The following PCDHGA8 variants were observed in gnomAD, a reference collection of about 807,000 sequenced individuals.
The protein encoded by PCDHGA8 is protocadherin gamma-A8.
A neutral mutation model predicts 59.2 loss-of-function variants in PCDHGA8; 45 were observed. That is an observed-to-expected ratio of 0.76 (90% confidence interval 0.60 to 0.98). The LOEUF (loss-of-function observed/expected upper bound fraction) is 0.98, where lower values mean the gene tolerates loss of function less well. Among genes scored for constraint, PCDHGA8 ranks in the 50% least tolerant of loss-of-function variants. The probability of loss-of-function intolerance (pLI) is 0.00; values close to 1 mark genes in which losing one functional copy is unlikely to be tolerated. For synonymous variants in PCDHGA8, 531 were observed against 519.0 expected, an observed-to-expected ratio of 1.02 and a Z score of -0.32; for missense variants, 1,257 against 1,196.2, an observed-to-expected ratio of 1.05 and a Z score of -0.75.
chr5:141,454,796 ATTTTTTTTTTTTTTTTTT>A (rs61612330), intron 1 of PCDHGA8, among the ~76,000 whole-genome samples: 1 of 77,408 alleles, frequency 1.3e-5, no homozygotes, highest in Non-Finnish European at 2.3e-5. Flanking sequence ...CATGGTTCTA[ATTTTTTTTTTTTTTTTTT>A]TTTTTTTTTT....
intron 1 of PCDHGA8, chr5:141,403,705 C>T: frequency 6.2e-7 from 1 of 1,613,894 alleles, no homozygotes; most frequent in Non-Finnish European, 8.5e-7. Context: ...GAGTTAAAGT[C>T]CTTGAGAACG....
intron 1 of PCDHGA8, among the ~76,000 whole-genome samples, chr5:141,453,692 C>G (rs1182118927): frequency 6.6e-6 from 1 of 152,146 alleles, no homozygotes; most frequent in African/African-American, 2.4e-5. Flanking sequence ...GTAGGTAGTC[C>G]TGGCTTTGAA....
chr5:141,408,316 G>A (rs1407149479), intron 1 of PCDHGA8: 3 of 1,613,750 alleles, frequency 1.9e-6, no homozygotes, highest in African/African-American at 1.3e-5. Context: ...ACTCGATTCC[G>A]GAGGAGCTGG....
At chr5:141,478,042 G>A (rs1358652557) in intron 1 of PCDHGA8, 18 of 1,614,152 alleles carry the variant, frequency 1.1e-5, no homozygotes, top group Non-Finnish European at 1.5e-5. Flanking sequence ...CACCCAGGCA[G>A]ACTCTCACGG....
intron 1 of PCDHGA8, chr5:141,413,959 G>A: frequency 1.9e-6 from 3 of 1,613,372 alleles, no homozygotes; most frequent in Middle Eastern, 3.3e-4. Context: ...TTTGCCTGTG[G>A]GCACTCAGCT....
At chr5:141,499,606 C>T (rs2099792968) in intron 2 of PCDHGA8, among the ~76,000 whole-genome samples, 1 of 152,028 alleles carries the variant, frequency 6.6e-6, no homozygotes, top group African/African-American at 2.4e-5. Context: ...TATCCCTACC[C>T]TTATCCTGTC....
At position 141,477,160 on chromosome 5, in the gene PCDHGA8, C is replaced by G. The variant is rs768436526; in HGVS notation, c.2425-17647C>G. 2 of 1,614,186 alleles carry G rather than the reference C, an allele frequency of 1.2e-6. No homozygotes were observed. Among genetic ancestry groups the G allele is most frequent in the Admixed American group, 1.7e-5 (1 of 60,020 alleles). On this transcript the variant is annotated intron_variant, in intron 1 of 3. Transcript: ENST00000398604. The surrounding 1 kb of genome is among the most constrained non-coding windows in gnomAD (Gnocchi z 4.9). ...TGGAGGTTGTGGATGTGAATGACAA[C>G]GCCCCGGAGATCACAGTCACCTCCG...
rs373286702 is a variant in PCDHGA8, at chr5:141,421,190, A to T, written c.2424+25953A>T. ...TACATAAGCCGATTCACAACCAACC[A>T]GCTCGAGAAACCGCGGAATATCGGC... On this transcript the variant is annotated intron_variant, in intron 1 of 3. Transcript: ENST00000398604. The T allele has an allele frequency of 4.7e-6, 7 of 1,480,168 alleles. No homozygotes were observed. The South Asian group carries it at 9.4e-5, about 20-fold the overall frequency. 91.7% of individuals were successfully genotyped at this position (1,480,168 alleles called of 1,614,324 possible).
intron 1 of PCDHGA8, among the ~76,000 whole-genome samples, chr5:141,480,216 C>T (rs1055544952): frequency 1.9e-4 from 28 of 147,036 alleles, no homozygotes; most frequent in Non-Finnish European, 3.6e-4. Flanking sequence ...CCAGCCTGAG[C>T]GACATAGTGA....
At chr5:141,496,479 CAACCAACCA>C (rs1199646129) in intron 2 of PCDHGA8, among the ~76,000 whole-genome samples, 1 of 152,180 alleles carries the variant, frequency 6.6e-6, no homozygotes, top group Non-Finnish European at 1.5e-5. Context: ...CCCCATCCTG[CAACCAACCA>C]AACCCTTGTT....
chr5:141,466,809 CA>C (rs1454424644), intron 1 of PCDHGA8, among the ~76,000 whole-genome samples: 1 of 152,102 alleles, frequency 6.6e-6, no homozygotes, highest in Non-Finnish European at 1.5e-5. Flanking sequence ...CCTATTCAGA[CA>C]TGGTATAACA....
At position 141,482,865 on chromosome 5, in the gene PCDHGA8, A is replaced by G. The variant is rs557581796; in HGVS notation, c.2425-11942A>G. ...GGTGGGCAGATCACTTGAGGTCAGG[A>G]GTTTGAAACCAGCCTGGCCAACATG... On this transcript the variant is annotated intron_variant, in intron 1 of 3. Coordinates refer to ENST00000398604, the MANE Select transcript of PCDHGA8 (RefSeq NM_032088.2). Among the ~76,000 whole-genome samples, 66 of 152,206 alleles carry G rather than the reference A, an allele frequency of 4.3e-4. 1 individual carries two copies. Among genetic ancestry groups the G allele is most frequent in the African/African-American group, 1.5e-3 (61 of 41,516 alleles).
At position 141,393,489 on chromosome 5, in the gene PCDHGA8, G is replaced by C; in HGVS notation, c.676G>C (p.Val226Leu). 1 of 1,614,062 alleles carries C rather than the reference G, an allele frequency of 6.2e-7. No individual in the cohort carries two copies. Among genetic ancestry groups the C allele is most frequent in the Non-Finnish European group, 8.5e-7 (1 of 1,179,910 alleles). Residue 226 changes from valine (V) to leucine (L), a missense_variant, in exon 1 of 4, where the codon GTG becomes CTG. By Grantham distance (32) the Val-to-Leu change is conservative. Transcript: ENST00000398604. ...CGGCAAGCCGCCTCGCTCTAGCACA[G>C]TGCGCATCCACGTGACAGTGTTGGA... ...DGGKPPRSST[V>L]RIHVTVLDTN...
At position 141,408,231 on chromosome 5, in the gene PCDHGA8, G is replaced by C. The variant is rs775180708; in HGVS notation, c.2424+12994G>C. 1.0e-5 allele frequency: 16 copies of C among 1,567,976 alleles called. No individual in the cohort carries two copies. The highest frequency in any genetic ancestry group is 1.2e-5 in the Non-Finnish European group (14 of 1,156,162). ...GGAGGGAGCTGCGCGCAGAGGCGCC[G>C]GGCCGGCCCGCGGCAGGTGCTATTT... is the stretch of plus-strand genomic sequence containing the variant. On this transcript the variant is annotated intron_variant, in intron 1 of 3. Transcript: ENST00000398604.
Position 141,395,397 on chromosome 5 carries a change from A to G in PCDHGA8, c.2424+160A>G. ...GGTGTTACTATAAAATTGAACTCTAATAGTCATAGGTTATTGTTTCATTTG... is the reference window on the plus strand; with the variant it reads ...GGTGTTACTATAAAATTGAACTCTAGTAGTCATAGGTTATTGTTTCATTTG... On this transcript the variant is annotated intron_variant, in intron 1 of 3. Coordinates refer to ENST00000398604, the MANE Select transcript of PCDHGA8 (RefSeq NM_032088.2). The G allele has an allele frequency of 7.8e-6, 7 of 895,314 alleles. No individual in the cohort carries two copies. The South Asian group carries it at 9.5e-5, about 12-fold the overall frequency. 55.5% of individuals were successfully genotyped at this position (895,314 alleles called of 1,614,324 possible). A position where few individuals can be genotyped will look rare whatever the true frequency, so the allele number is the denominator to read the frequency against.
intron 1 of PCDHGA8, among the ~76,000 whole-genome samples, chr5:141,475,250 A>G (rs941738675): frequency 6.6e-6 from 1 of 152,246 alleles, no homozygotes; most frequent in Non-Finnish European, 1.5e-5. Context: ...AGTGTGCTCT[A>G]CAACTGAGAT....
chr5:141,511,486 TC>T lies in PCDHGA8; in HGVS notation c.*315del. The T allele has an allele frequency of 2.2e-6, 1 of 449,906 alleles. No homozygotes were observed. 27.9% of individuals were successfully genotyped at this position (449,906 alleles called of 1,614,324 possible). A position where few individuals can be genotyped will look rare whatever the true frequency, so the allele number is the denominator to read the frequency against. On this transcript the variant is annotated 3_prime_UTR_variant, in exon 4 of 4. Transcript: ENST00000398604. ...CCCCGTTTAGTTACAGCTGAACTCC[TC>T]CATCTTCCAAATCAATCAGGCCCAT...
Position 141,495,452 on chromosome 5 carries a change from CTCTG to C in PCDHGA8, c.2483+593_2483+596del, listed in dbSNP as rs550877100. ...GTCCTCTGCCCCTACTTGTCCTGCTCTCTGTCTGTGGGGTCTCCGTGTCTCTGCC... is the reference window on the plus strand; with the variant it reads ...GTCCTCTGCCCCTACTTGTCCTGCTCTCTGTGGGGTCTCCGTGTCTCTGCC... On this transcript the variant is annotated intron_variant, in intron 2 of 3. Coordinates refer to ENST00000398604, the MANE Select transcript of PCDHGA8 (RefSeq NM_032088.2). 5.6e-4 allele frequency among the ~76,000 whole-genome samples: 85 copies of C among 152,356 alleles called. 1 individual carries two copies. Among genetic ancestry groups the C allele is most frequent in the Admixed American group, 3.5e-3 (53 of 15,310 alleles).
In PCDHGA8 at chr5:141,394,692, C is replaced by T. The variant is rs1356120664; in HGVS notation, c.1879C>T (p.Arg627Cys). Reference sequence around the variant, plus strand: ...GGTGGGTCTGCACACGGGCGAGGTGCGCACGGCGCGAGCCCTGCTGGACAG... The same window carrying T: ...GGTGGGTCTGCACACGGGCGAGGTGTGCACGGCGCGAGCCCTGCTGGACAG... ...FSVGLHTGEVRTARALLDRDA... is the reference protein window; with the variant it reads ...FSVGLHTGEVCTARALLDRDA... Residue 627 changes from arginine (R) to cysteine (C), a missense_variant, in exon 1 of 4, where the codon CGC (arginine) becomes TGC (cysteine). Coordinates refer to ENST00000398604, the MANE Select transcript of PCDHGA8 (RefSeq NM_032088.2). 1 of 1,613,028 alleles carries T rather than the reference C, an allele frequency of 6.2e-7. No individual in the cohort carries two copies. Among genetic ancestry groups the T allele is most frequent in the Non-Finnish European group, 8.5e-7 (1 of 1,179,834 alleles).
Sources: allele counts gnomAD v4.1 joint callset (sites outside exome capture counted in the v4.1 genomes callset), GRCh38; gene constraint gnomAD v4.1.1; non-coding constraint Gnocchi (gnomAD v3.1); transcripts MANE v1.5; gene names NCBI Gene and HGNC (gene_info 2026-07-23, HGNC 2026-07-21).